Variants in IL1RAPL1 observed in about 807,000 individuals in gnomAD.
The protein encoded by IL1RAPL1 is interleukin 1 receptor accessory protein like 1.
IL1RAPL1 carries 3 observed loss-of-function variants against 48.4 expected under a neutral mutation model. The ratio of observed to expected loss-of-function variants is 0.06; its 90% CI spans 0.03 to 0.16. The LOEUF (loss-of-function observed/expected upper bound fraction) is 0.16, where lower values mean the gene tolerates loss of function less well. IL1RAPL1 is among the 10% of genes least tolerant of loss of function. The pLI is 1.00. For synonymous variants in IL1RAPL1, 185 were observed against 187.7 expected (o/e 0.99, Z 0.12); for missense variants, 349 against 530.6 (o/e 0.66, Z 3.36).
intron 2 of IL1RAPL1, among the ~76,000 whole-genome samples, chrX:28,923,117 C>T (rs777603889): frequency 2.7e-5 from 3 of 112,038 alleles, no homozygotes; most frequent in African/African-American, 9.7e-5. Flanking sequence ...GAATAATAAT[C>T]ACATTTGATT....
intron 5 of IL1RAPL1, among the ~76,000 whole-genome samples, chrX:29,550,205 T>A (rs909281420): frequency 2.7e-5 from 3 of 110,863 alleles, no homozygotes; most frequent in African/African-American, 9.9e-5. Context: ...TCTTTTCTTT[T>A]TTTTGAGATG....
At chrX:29,255,923 G>C (rs1471606313) in intron 2 of IL1RAPL1, among the ~76,000 whole-genome samples, 1 of 111,556 alleles carries the variant, frequency 9.0e-6, no homozygotes, top group Non-Finnish European at 1.9e-5. Flanking sequence ...AAACATATGA[G>C]TGCAGGTGTA....
At chrX:29,135,449 G>A (rs929891380) in intron 2 of IL1RAPL1, among the ~76,000 whole-genome samples, 1 of 111,665 alleles carries the variant, frequency 9.0e-6, no homozygotes, top group Non-Finnish European at 1.9e-5. Context: ...ATCTTAGAGG[G>A]CATACCAGTG....
chrX:29,512,632 C>T (rs1314499333), intron 5 of IL1RAPL1, among the ~76,000 whole-genome samples: 2 of 111,915 alleles, frequency 1.8e-5, no homozygotes, highest in African/African-American at 6.5e-5. Context: ...ATTATACAAG[C>T]TTGTGCTATT....
intron 6 of IL1RAPL1, among the ~76,000 whole-genome samples, chrX:29,889,551 G>A (rs1420672769): frequency 1.8e-5 from 2 of 111,106 alleles, no homozygotes; most frequent in African/African-American, 6.5e-5. Flanking sequence ...TGTAGCTACG[G>A]GAATGAAAAA....
intron 2 of IL1RAPL1, among the ~76,000 whole-genome samples, chrX:28,950,298 T>G (rs1279319143): frequency 1.5e-3 from 105 of 70,445 alleles, no homozygotes; most frequent in African/African-American, 4.4e-3. Context: ...CATTGATCTA[T>G]ATCTCTGTTT....
At chrX:29,071,850 A>G (rs905485457) in intron 2 of IL1RAPL1, among the ~76,000 whole-genome samples, 2 of 112,317 alleles carry the variant, frequency 1.8e-5, no homozygotes, top group Non-Finnish European at 3.8e-5. Context: ...GTAGGCCTAA[A>G]TAAATGTTTA....
At chrX:28,840,156 A>AG (rs1921332995) in intron 2 of IL1RAPL1, among the ~76,000 whole-genome samples, 1 of 109,969 alleles carries the variant, frequency 9.1e-6, no homozygotes, top group African/African-American at 3.3e-5. Context: ...ATATCACAAA[A>AG]CACATTTTTA....
intron 2 of IL1RAPL1, among the ~76,000 whole-genome samples, chrX:29,073,361 T>C (rs1927605698): frequency 9.0e-6 from 1 of 111,673 alleles, no homozygotes; most frequent in Non-Finnish European, 1.9e-5. Flanking sequence ...GCTTCTTGCC[T>C]CCTTTTCTCT....
chrX:28,954,133 C>T (rs1314295304), intron 2 of IL1RAPL1, among the ~76,000 whole-genome samples: 3 of 111,425 alleles, frequency 2.7e-5, no homozygotes, highest in Non-Finnish European at 5.7e-5. Context: ...ATGCAATTGA[C>T]ATAGTGTAAA....
At chrX:29,715,599 A>G (rs1927460773) in intron 6 of IL1RAPL1, among the ~76,000 whole-genome samples, 1 of 111,325 alleles carries the variant, frequency 9.0e-6, no homozygotes, top group South Asian at 3.8e-4. Context: ...GTGGGATCAG[A>G]ATTAAAGGGT....
intron 1 of IL1RAPL1, among the ~76,000 whole-genome samples, chrX:28,678,337 G>T (rs1935022496): frequency 9.0e-6 from 1 of 111,105 alleles, no homozygotes; most frequent in Non-Finnish European, 1.9e-5. Flanking sequence ...GGAGGATTCT[G>T]CCTCTGGGTC....
intron 1 of IL1RAPL1, among the ~76,000 whole-genome samples, chrX:28,742,285 G>A (rs986236988): frequency 5.4e-5 from 6 of 110,846 alleles, no homozygotes; most frequent in African/African-American, 1.6e-4. Flanking sequence ...CAGACAAGAC[G>A]GCAACCAAAG....
At chrX:29,410,720 TA>T (rs900264363) in intron 5 of IL1RAPL1, among the ~76,000 whole-genome samples, 1 of 111,626 alleles carries the variant, frequency 9.0e-6, no homozygotes, top group African/African-American at 3.3e-5. Flanking sequence ...TGTTCTTTTT[TA>T]AAAAAAGAAA....
intron 6 of IL1RAPL1, among the ~76,000 whole-genome samples, chrX:29,870,354 G>C (rs1227045967): frequency 8.9e-6 from 1 of 111,991 alleles, no homozygotes; most frequent in Non-Finnish European, 1.9e-5. Flanking sequence ...AGGATACCTA[G>C]GCTCAATCAC....
At chrX:29,794,456 C>T (rs1245190426) in intron 6 of IL1RAPL1, among the ~76,000 whole-genome samples, 1 of 110,082 alleles carries the variant, frequency 9.1e-6, no homozygotes, top group Admixed American at 9.6e-5. Flanking sequence ...GTGGATGATT[C>T]ATGGCAACCT....
At chrX:29,305,314 A>G (rs1932600776) in intron 3 of IL1RAPL1, among the ~76,000 whole-genome samples, 1 of 111,936 alleles carries the variant, frequency 8.9e-6, no homozygotes, top group Admixed American at 9.5e-5. Context: ...ATGTAGCTTG[A>G]GTGAGAAAAT....
At chrX:28,611,054 C>A (rs1451717782) in intron 1 of IL1RAPL1, among the ~76,000 whole-genome samples, 1 of 111,464 alleles carries the variant, frequency 9.0e-6, no homozygotes, top group Non-Finnish European at 1.9e-5. Context: ...ATGTTACTGA[C>A]GGTGGTGGAA....
chrX:29,018,064 A>G (rs1379344646), intron 2 of IL1RAPL1, among the ~76,000 whole-genome samples: 1 of 111,729 alleles, frequency 9.0e-6, no homozygotes, highest in Non-Finnish European at 1.9e-5. Context: ...TGAAGCATTT[A>G]TAATTTACCT....
Sources: allele counts gnomAD v4.1 joint callset (sites outside exome capture counted in the v4.1 genomes callset), GRCh38; gene constraint gnomAD v4.1.1; transcripts MANE v1.5; gene names NCBI Gene and HGNC (gene_info 2026-07-23, HGNC 2026-07-21).